NRXN1: variants seen among roughly 807,000 people sequenced by gnomAD.
NRXN1 encodes neurexin 1.
A neutral mutation model predicts 150.9 loss-of-function variants in NRXN1; 39 were observed. The observed-to-expected ratio is 0.26, with a 90% CI of 0.20 to 0.34. The LOEUF (loss-of-function observed/expected upper bound fraction) is 0.34, where lower values mean the gene tolerates loss of function less well. Among genes scored for constraint, NRXN1 ranks in the 10% least tolerant of loss-of-function variants. The pLI is 1.00. For missense variants in NRXN1, 1,815 were observed against 1,949.9 expected (o/e 0.93, Z 1.30); for synonymous variants, 924 against 757.0 (o/e 1.22, Z -3.62).
At chr2:50,487,574 G>A (rs570809443) in intron 15 of NRXN1, among the ~76,000 whole-genome samples, 7 of 152,312 alleles carry the variant, frequency 4.6e-5, no homozygotes, top group South Asian at 2.1e-4. Flanking sequence ...CATTTCTACC[G>A]TGGGAGCAGC....
chr2:50,259,507 CT>C (rs943192638), intron 17 of NRXN1, among the ~76,000 whole-genome samples: 4 of 151,630 alleles, frequency 2.6e-5, no homozygotes, highest in Non-Finnish European at 4.4e-5. Flanking sequence ...ACATGGAAGA[CT>C]TTTTTTTAGT....
At chr2:49,956,055 C>A (rs7573698) in intron 21 of NRXN1, among the ~76,000 whole-genome samples, 61,553 of 151,830 alleles carry the variant, frequency 0.41, 12,797 homozygotes, top group South Asian at 0.53. Flanking sequence ...AATCTTTTAC[C>A]CATGTATTAA....
rs529686338 is a variant in NRXN1, at chr2:50,884,825, A to T, written c.832+37044T>A. Among the ~76,000 whole-genome samples, 1,067 of 107,000 alleles carry T rather than the reference A, an allele frequency of 1.0e-2. 7 individuals carry two copies. The highest frequency in any genetic ancestry group is 0.013 in the Non-Finnish European group (563 of 42,544). 70.2% of individuals were successfully genotyped at this position (107,000 alleles called of 152,430 possible). A position where few individuals can be genotyped will look rare whatever the true frequency, so the allele number is the denominator to read the frequency against. On this transcript the variant is annotated intron_variant, in intron 5 of 22. Coordinates refer to ENST00000401669, the MANE Select transcript of NRXN1 (RefSeq NM_001330078.2). ...CCAGCTGAGAACATACTGTTTTTTAAAAAAAAAATAAAATACAAACTTTTT... is the reference window on the plus strand; with the variant it reads ...CCAGCTGAGAACATACTGTTTTTTATAAAAAAAATAAAATACAAACTTTTT...
At chr2:50,681,538 A>T (rs1690404917) in intron 5 of NRXN1, among the ~76,000 whole-genome samples, 1 of 152,150 alleles carries the variant, frequency 6.6e-6, no homozygotes. Context: ...GGCCATATAA[A>T]AGGGCTTGTA....
intron 18 of NRXN1, among the ~76,000 whole-genome samples, chr2:50,098,844 T>G (rs1216063900): frequency 0.029 from 271 of 9,252 alleles, 11 homozygotes; most frequent in African/African-American, 0.061. Flanking sequence ...TTTTTTTTTT[T>G]TTTTTTTTTT....
At chr2:50,217,094 G>A (rs1242261531) in intron 18 of NRXN1, among the ~76,000 whole-genome samples, 2 of 151,962 alleles carry the variant, frequency 1.3e-5, no homozygotes, top group East Asian at 1.9e-4. Context: ...GATTAATAAG[G>A]TAATTATAAA....
intron 5 of NRXN1, among the ~76,000 whole-genome samples, chr2:50,734,439 A>T (rs551425330): frequency 2.0e-5 from 3 of 152,288 alleles, no homozygotes; most frequent in African/African-American, 7.2e-5. Context: ...TGAAACTTTA[A>T]TAGCCCTCAG....
chr2:50,524,592 T>C (rs965795951), intron 12 of NRXN1, among the ~76,000 whole-genome samples: 5 of 151,928 alleles, frequency 3.3e-5, no homozygotes, highest in African/African-American at 1.2e-4. Context: ...ATGCCATTGA[T>C]TTGGAAAAAC....
At chr2:50,943,089 C>T (rs564941524) in intron 2 of NRXN1, among the ~76,000 whole-genome samples, 1 of 152,092 alleles carries the variant, frequency 6.6e-6, no homozygotes, top group East Asian at 1.9e-4. Flanking sequence ...GGCTCTTCTC[C>T]TTTGTGCTCT....
intron 21 of NRXN1, among the ~76,000 whole-genome samples, chr2:49,982,128 C>T (rs968171558): frequency 2.6e-5 from 4 of 151,992 alleles, no homozygotes; most frequent in Admixed American, 6.6e-5. Flanking sequence ...TTGGACATGC[C>T]GGGTCATCCA....
chr2:50,464,318 T>C (rs997411845), intron 17 of NRXN1: 2 of 151,810 alleles, frequency 1.3e-5, no homozygotes, highest in African/African-American at 2.4e-5. Context: ...TCTGTATTGG[T>C]TGTGCGTTTT....
intron 17 of NRXN1, among the ~76,000 whole-genome samples, chr2:50,433,814 G>A (rs1341060220): frequency 6.6e-6 from 1 of 152,012 alleles, no homozygotes; most frequent in African/African-American, 2.4e-5. Flanking sequence ...ATGATAAATA[G>A]GTTGCAGAGG....
At chr2:50,402,914 G>A (rs1005919277) in intron 17 of NRXN1, among the ~76,000 whole-genome samples, 2 of 152,120 alleles carry the variant, frequency 1.3e-5, no homozygotes, top group Non-Finnish European at 2.9e-5. Flanking sequence ...AAGAGAAGGA[G>A]GAGGAGGCGG....
At chr2:50,627,349 G>T (rs1205236399) in intron 5 of NRXN1, among the ~76,000 whole-genome samples, 1 of 115,894 alleles carries the variant, frequency 8.6e-6, no homozygotes, top group East Asian at 2.6e-4. Flanking sequence ...GTGGGTTCTG[G>T]TTCATGTATG....
rs537569912 is a variant in NRXN1, at chr2:50,395,544, C to G, written c.3364+69898G>C. On this transcript the variant is annotated intron_variant, in intron 17 of 22. Coordinates refer to ENST00000401669, the MANE Select transcript of NRXN1 (RefSeq NM_001330078.2). ...TTATATGCTTGCTAGTTTTAAAATA[C>G]AGTCTGATTTCATCCACTTCAATTG... Among the ~76,000 whole-genome samples, 13 of 152,098 alleles carry G rather than the reference C, an allele frequency of 8.5e-5. No individual in the cohort carries two copies. The South Asian group carries it at 2.5e-3, about 29-fold the overall frequency.
At chr2:50,632,341 T>C (rs768492424) in intron 5 of NRXN1, 11 of 152,006 alleles carry the variant, frequency 7.2e-5, no homozygotes, top group Non-Finnish European at 1.5e-4. Context: ...TTTTTTAATA[T>C]ACACAGATGA....
At chr2:51,024,878 A>G (rs1670184467) in intron 2 of NRXN1, among the ~76,000 whole-genome samples, 1 of 152,130 alleles carries the variant, frequency 6.6e-6, no homozygotes, top group Admixed American at 6.5e-5. Context: ...TTTTAAAATT[A>G]GTTTTTATGA....
chr2:50,978,704 A>C (rs2104858562), intron 2 of NRXN1, among the ~76,000 whole-genome samples: 1 of 152,188 alleles, frequency 6.6e-6, no homozygotes, highest in African/African-American at 2.4e-5. Flanking sequence ...ATATCATTTA[A>C]AGGAGCACGT....
At chr2:50,254,827 C>G (rs2067535444) in intron 17 of NRXN1, among the ~76,000 whole-genome samples, 1 of 152,016 alleles carries the variant, frequency 6.6e-6, no homozygotes, top group Admixed American at 6.6e-5. Context: ...TAGACACTGT[C>G]ATGCTCTGCT....
Sources: gnomAD v4.1 joint callset for allele counts (sites outside exome capture counted in the v4.1 genomes callset) on GRCh38, gnomAD v4.1.1 for gene constraint, MANE v1.5 for transcripts, NCBI Gene and HGNC (gene_info 2026-07-23, HGNC 2026-07-21) for gene names.